ELMO1: variants seen among roughly 807,000 people sequenced by gnomAD.
ELMO1 encodes engulfment and cell motility protein 1.
In ELMO1, 26 loss-of-function variants were observed where a neutral mutation model predicts 98.9. The observed-to-expected ratio is 0.26, with a 90% CI of 0.19 to 0.36. The LOEUF is 0.36. ELMO1 is among the 10% of genes least tolerant of loss of function. The pLI, the probability that ELMO1 is intolerant of heterozygous loss-of-function variation, is 1.00. For synonymous variants in ELMO1, 346 were observed against 346.0 expected (o/e 1.00, Z 0.00); for missense variants, 627 against 935.2 (o/e 0.67, Z 4.30).
intron 16 of ELMO1, among the ~76,000 whole-genome samples, chr7:36,907,859 C>T (rs4723594): frequency 0.11 from 17,054 of 152,204 alleles, 1,189 homozygotes; most frequent in South Asian, 0.21. Flanking sequence ...GTAGCCACCA[C>T]CAATCCGCTA....
chr7:37,033,728 G>A (rs982341548), intron 15 of ELMO1, among the ~76,000 whole-genome samples: 1 of 152,158 alleles, frequency 6.6e-6, no homozygotes, highest in Non-Finnish European at 1.5e-5. Flanking sequence ...GTGAGATCAG[G>A]GACATGAATA....
intron 1 of ELMO1, among the ~76,000 whole-genome samples, chr7:37,409,203 G>A (rs926078419): frequency 6.6e-6 from 1 of 151,728 alleles, no homozygotes; most frequent in African/African-American, 2.4e-5. Context: ...AGCTTTTTAG[G>A]TTCTGACCTT....
At position 36,861,667 on chromosome 7, in the gene ELMO1, T is replaced by C; in HGVS notation, c.1975A>G (p.Lys659Glu). ...ACCCCCGAGACCCTTACCTCATGCT[T>C]GTCAGGAGCGATGAAGTTCAGTTGG... ...NCQLNFIAPD[K>E]HEYCIWTDGL... The change falls in exon 21 of 22, where the codon AAG becomes GAG. Residue 659 changes from lysine (K) to glutamate (E), a missense_variant. Transcript: ENST00000310758. The C allele has an allele frequency of 2.5e-6, 4 of 1,612,202 alleles. No individual in the cohort carries two copies. Among genetic ancestry groups the C allele is most frequent in the Admixed American group, 1.7e-5 (1 of 59,702 alleles).
intron 15 of ELMO1, among the ~76,000 whole-genome samples, chr7:37,088,563 A>G (rs1016736706): frequency 2.6e-5 from 4 of 152,198 alleles, no homozygotes; most frequent in African/African-American, 7.2e-5. Context: ...ATCATGACTG[A>G]TGATGACTGA....
chr7:37,222,772 C>T, intron 9 of ELMO1, 79 bp from the exon 10 acceptor site: 1 of 1,351,398 alleles, frequency 7.4e-7, no homozygotes, highest in Non-Finnish European at 1.0e-6. Flanking sequence ...CATGAAAAGG[C>T]TCAAAATCAG....
intron 1 of ELMO1, among the ~76,000 whole-genome samples, chr7:37,431,078 A>G (rs1216948644): frequency 6.6e-6 from 1 of 152,202 alleles, no homozygotes; most frequent in East Asian, 1.9e-4. Flanking sequence ...GGCTCCTTCC[A>G]GTAATTCCAG....
At chr7:37,169,647 T>C (rs1790011310) in intron 13 of ELMO1, among the ~76,000 whole-genome samples, 1 of 152,214 alleles carries the variant, frequency 6.6e-6, no homozygotes, top group Non-Finnish European at 1.5e-5. Context: ...AGCTTTTGCT[T>C]TTTCTTTTTA....
intron 14 of ELMO1, among the ~76,000 whole-genome samples, chr7:37,102,055 A>G (rs574733476): frequency 9.8e-4 from 149 of 152,242 alleles, no homozygotes; most frequent in African/African-American, 3.4e-3. Context: ...ATCTCCCCAC[A>G]TTCCAACACA....
chr7:36,964,168 A>G (rs1237399815), intron 16 of ELMO1, among the ~76,000 whole-genome samples: 1 of 152,190 alleles, frequency 6.6e-6, no homozygotes, highest in Non-Finnish European at 1.5e-5. Context: ...TTGTTGATGA[A>G]TTATTGTATA....
intron 15 of ELMO1, 107 bp from the exon 16 acceptor site, chr7:37,013,542 G>A: frequency 3.0e-6 from 4 of 1,323,758 alleles, no homozygotes; most frequent in Non-Finnish European, 3.1e-6. Flanking sequence ...GGTATCTTTG[G>A]TTCAGGCAAT....
chr7:37,329,786 A>G (rs1800005393), intron 2 of ELMO1, among the ~76,000 whole-genome samples: 1 of 152,166 alleles, frequency 6.6e-6, no homozygotes, highest in Non-Finnish European at 1.5e-5. Flanking sequence ...CTTACCCCAC[A>G]CACATAATCA....
chr7:37,173,820 C>T (rs1790335706), intron 13 of ELMO1, among the ~76,000 whole-genome samples: 2 of 152,234 alleles, frequency 1.3e-5, no homozygotes, highest in Non-Finnish European at 2.9e-5. Flanking sequence ...AAGCCCCAAA[C>T]AGACAGTGTC....
At chr7:37,277,625 T>C (rs1407843381) in intron 4 of ELMO1, among the ~76,000 whole-genome samples, 1 of 152,160 alleles carries the variant, frequency 6.6e-6, no homozygotes, top group Non-Finnish European at 1.5e-5. Flanking sequence ...AGCTGGGCAA[T>C]ATGGCCGGCA....
At chr7:36,972,658 T>C (rs1406193428) in intron 16 of ELMO1, among the ~76,000 whole-genome samples, 2 of 152,234 alleles carry the variant, frequency 1.3e-5, no homozygotes, top group African/African-American at 4.8e-5. Context: ...CTAGTCACAC[T>C]GGATTAGGGT....
intron 14 of ELMO1, among the ~76,000 whole-genome samples, chr7:37,122,289 T>C (rs1786113800): frequency 6.6e-6 from 1 of 152,088 alleles, no homozygotes; most frequent in South Asian, 2.1e-4. Context: ...CATAACAATA[T>C]TAACCTTAAA....
intron 13 of ELMO1, among the ~76,000 whole-genome samples, chr7:37,190,559 G>A (rs947593084): frequency 7.9e-5 from 12 of 152,262 alleles, no homozygotes; most frequent in African/African-American, 2.2e-4. Flanking sequence ...GTGCCATAGC[G>A]TGATCTTGGC....
At chr7:36,954,869 A>C (rs1456161436) in intron 16 of ELMO1, among the ~76,000 whole-genome samples, 1 of 152,178 alleles carries the variant, frequency 6.6e-6, no homozygotes, top group East Asian at 1.9e-4. Context: ...GGAATTCTGG[A>C]GATGGTTCCC....
chr7:37,173,918 T>C (rs957262747), intron 13 of ELMO1, among the ~76,000 whole-genome samples: 19 of 152,196 alleles, frequency 1.2e-4, no homozygotes, highest in African/African-American at 4.3e-4. Context: ...AATTACTAAC[T>C]GAATCCATGG....
chr7:37,102,836 T>C (rs1166517461), intron 14 of ELMO1, among the ~76,000 whole-genome samples: 3 of 152,202 alleles, frequency 2.0e-5, no homozygotes, highest in Non-Finnish European at 4.4e-5. Context: ...GGTTACCAAT[T>C]CCTATTGAAA....
Sources: allele counts gnomAD v4.1 joint callset (sites outside exome capture counted in the v4.1 genomes callset), GRCh38; gene constraint gnomAD v4.1.1; transcripts MANE v1.5; gene names NCBI Gene and HGNC (gene_info 2026-07-23, HGNC 2026-07-21).